DBH: variants seen among roughly 807,000 people sequenced by gnomAD.
The protein encoded by DBH is dopamine beta-hydroxylase (dopamine beta-monooxygenase).
Under a neutral mutation model 64.0 loss-of-function variants are expected in DBH, and 49 were observed. The ratio of observed to expected loss-of-function variants is 0.77; its 90% CI spans 0.61 to 0.97. The LOEUF (loss-of-function observed/expected upper bound fraction) is 0.97, where lower values mean the gene tolerates loss of function less well. DBH is among the 50% of genes least tolerant of loss of function. The pLI is 0.00. For missense variants in DBH, 828 were observed against 826.6 expected, an observed-to-expected ratio of 1.00 and a Z score of -0.02; for synonymous variants, 343 against 347.1, an observed-to-expected ratio of 0.99 and a Z score of 0.13.
chr9:133,644,970 CACACATGT>C (rs1242286484), intron 5 of DBH, among the ~76,000 whole-genome samples: 1 of 39,698 alleles, frequency 2.5e-5, no homozygotes, highest in Non-Finnish European at 6.8e-5. Context: ...CACACACATG[CACACATGT>C]ACACATATGC....
chr9:133,645,808 G>A (rs1832174983), intron 5 of DBH, among the ~76,000 whole-genome samples: 1 of 152,156 alleles, frequency 6.6e-6, no homozygotes, highest in African/African-American at 2.4e-5. Flanking sequence ...CAGCCCTGTG[G>A]TCTTGTGTGG....
At chr9:133,657,449 GAGGA>G (rs1832344471) in intron 11 of DBH, 1 of 378,992 alleles carries the variant, frequency 2.6e-6, no homozygotes, top group African/African-American at 4.1e-5. Context: ...AGAGGAGAGA[GAGGA>G]GAGAGGGAGA....
intron 10 of DBH, 31 bp downstream of exon 10, chr9:133,656,681 C>T (rs1157601153): frequency 6.8e-6 from 11 of 1,608,438 alleles, no homozygotes; most frequent in Admixed American, 6.7e-5. Context: ...CTCCCTGCCC[C>T]CAGGGAACCC....
intron 7 of DBH, 63 bp downstream of exon 7, chr9:133,651,840 T>C: frequency 2.3e-6 from 3 of 1,327,460 alleles, no homozygotes; most frequent in Non-Finnish European, 3.0e-6. Flanking sequence ...ACCTCCTGGG[T>C]CTACTGTTTC....
chr9:133,657,533 C>G (rs529390576), intron 11 of DBH, among the ~76,000 whole-genome samples: 101 of 149,344 alleles, frequency 6.8e-4, no homozygotes, highest in African/African-American at 2.3e-3. Context: ...AGAGAGAGAA[C>G]CAATAACGAG....
At position 133,636,409 on chromosome 9, in the gene DBH, C is replaced by G. The variant is rs1832052631; in HGVS notation, c.38C>G (p.Pro13Arg). ...AGTCGCTGGGCCAGCCTGCCCGGCC[C>G]CAGCATGCGGGAGGCAGCCTTCATG... The part of the protein sequence containing the change: ...ALSRWASLPG[P>R]SMREAAFMYS... Residue 13 changes from proline to arginine, a missense_variant, in exon 1 of 12, where the codon CCC (proline) becomes CGC (arginine). By Grantham distance (103) the Pro-to-Arg change is moderately radical (BLOSUM62 -2). Transcript: ENST00000393056. 6.2e-7 allele frequency: 1 copy of G among 1,611,966 alleles called. No homozygotes were observed. The highest frequency in any genetic ancestry group is 1.3e-5 in the African/African-American group (1 of 74,948).
rs778913415 is a variant in DBH at position 133,647,907 on chromosome 9, G to A, written c.1086G>A (p.Ala362=). The A allele has an allele frequency of 3.6e-5, 58 of 1,614,158 alleles. No individual in the cohort carries two copies. Among genetic ancestry groups the A allele is most frequent in the Middle Eastern group, 1.6e-4 (1 of 6,062 alleles). The change falls in exon 6 of 12, where the codon GCG becomes GCA. Residue 362 remains alanine, a synonymous_variant. Coordinates refer to ENST00000393056, the MANE Select transcript of DBH (RefSeq NM_000787.4). ...CAGCCAAGCTGCGGCGCTTCAACGCGGGGATCATGGAGCTGGGACTGGTGT... is the reference window on the plus strand; with the variant it reads ...CAGCCAAGCTGCGGCGCTTCAACGCAGGGATCATGGAGCTGGGACTGGTGT... ...YYTAKLRRFN[A]GIMELGLVYT...
intron 2 of DBH, among the ~76,000 whole-genome samples, 167 bp from the exon 3 acceptor site, chr9:133,642,040 T>G (rs3025395): frequency 0.025 from 3,746 of 152,284 alleles, 62 homozygotes; most frequent in African/African-American, 0.045. Context: ...AGCCCGGGAT[T>G]TGGCCCCAGC....
At chr9:133,639,458 G>A (rs2797851) in intron 1 of DBH, among the ~76,000 whole-genome samples, 42,721 of 151,848 alleles carry the variant, frequency 0.28, 6,319 homozygotes, top group Non-Finnish European at 0.34. Flanking sequence ...GCATTGGTCT[G>A]AGGCATTGTT....
intron 1 of DBH, among the ~76,000 whole-genome samples, chr9:133,637,060 G>A (rs898883626): frequency 1.3e-5 from 2 of 152,104 alleles, no homozygotes; most frequent in Admixed American, 6.5e-5. Flanking sequence ...CACGACCCTC[G>A]GCCCTGTAAA....
chr9:133,657,444 AGAGAGAGGAGAGAGG>A lies in DBH; in HGVS notation c.1722+221_1722+235del, dbSNP rs1223166901. On this transcript the variant is annotated intron_variant, in intron 11 of 11. Coordinates refer to ENST00000393056, the MANE Select transcript of DBH (RefSeq NM_000787.4). ...AGAGAGGAGAGAGAGGAGAGAGAGG[AGAGAGAGGAGAGAGG>A]GAGAGGGAGAGAGGGAGAGGGAGAG... The A allele has an allele frequency of 6.9e-4, 268 of 386,924 alleles. 1 individual carries two copies. The highest frequency in any genetic ancestry group is 2.2e-4 in the Non-Finnish European group (47 of 213,978). The allele number at this position is 386,924 out of a possible 1,614,324, so 24.0% of individuals were successfully genotyped here.
intron 2 of DBH, 145 bp downstream of exon 2, chr9:133,640,137 G>C (rs1832101638): frequency 8.9e-7 from 1 of 1,121,726 alleles, no homozygotes; most frequent in South Asian, 1.3e-5. Flanking sequence ...AGCCAAGGAG[G>C]ATGGCCAGAG....
At chr9:133,653,553 A>C (rs1256699890) in intron 9 of DBH, among the ~76,000 whole-genome samples, 2 of 152,160 alleles carry the variant, frequency 1.3e-5, no homozygotes, top group East Asian at 1.9e-4. Flanking sequence ...GAGGTGAAGG[A>C]AGGCTCTGTG....
At chr9:133,644,370 G>GA in intron 5 of DBH, 50 bp downstream of exon 5, 1 of 1,477,012 alleles carries the variant, frequency 6.8e-7, no homozygotes. Flanking sequence ...ACTCAGCTGT[G>GA]TTGAGCCAGT....
At chr9:133,650,044 G>A (rs955351766) in intron 6 of DBH, among the ~76,000 whole-genome samples, 1 of 152,222 alleles carries the variant, frequency 6.6e-6, no homozygotes. Flanking sequence ...GGACCAGAGT[G>A]CCCAGAAGAG....
In DBH at chr9:133,657,382, ACAGCCAGC is replaced by A. The variant is rs539930411; in HGVS notation, c.1722+162_1722+169del. The A allele has an allele frequency of 1.4e-3, 1,048 of 731,040 alleles. 5 individuals carry two copies. The highest frequency in any genetic ancestry group is 1.9e-3 in the Middle Eastern group (5 of 2,622). The allele number at this position is 731,040 out of a possible 1,614,324, so 45.3% of individuals were successfully genotyped here. A position where few individuals can be genotyped will look rare whatever the true frequency, so the allele number is the denominator to read the frequency against. On this transcript the variant is annotated intron_variant, in intron 11 of 11. Transcript: ENST00000393056. ...GCCAGGTGGTGACACATAGGCCTAG[ACAGCCAGC>A]CAGCCAGCAGAGAGAGAGGAGAGAG... is the stretch of plus-strand genomic sequence containing the variant.
rs79792866 is a variant in DBH at position 133,652,297 on chromosome 9, C to A, written c.1374+13C>A. The A allele has an allele frequency of 1.2e-6, 2 of 1,612,558 alleles. No individual in the cohort carries two copies. The highest frequency in any genetic ancestry group is 1.7e-6 in the Non-Finnish European group (2 of 1,179,952). On this transcript the variant is annotated intron_variant, in intron 8 of 11. Coordinates refer to ENST00000393056, the MANE Select transcript of DBH (RefSeq NM_000787.4). ...GTCGGTCCATCCGGTGAGTGCCCAG[C>A]GGGAAGGCTGTCCCACTCACTGCCA...
chr9:133,638,442 C>A (rs189099712), intron 1 of DBH, among the ~76,000 whole-genome samples: 98 of 152,324 alleles, frequency 6.4e-4, no homozygotes, highest in African/African-American at 2.3e-3. Flanking sequence ...AACCCAAAGT[C>A]CTTAAGGCCA....
At chr9:133,657,507 A>G (rs1040378761) in intron 11 of DBH, among the ~76,000 whole-genome samples, 4 of 147,740 alleles carry the variant, frequency 2.7e-5, no homozygotes, top group African/African-American at 1.0e-4. Context: ...GGAGAGAGAG[A>G]GAGAGAGAGA....
Sources: gnomAD v4.1 joint callset for allele counts (sites outside exome capture counted in the v4.1 genomes callset) on GRCh38, gnomAD v4.1.1 for gene constraint, MANE v1.5 for transcripts, NCBI Gene and HGNC (gene_info 2026-07-23, HGNC 2026-07-21) for gene names.